Variants in SMARCB1 observed in about 807,000 individuals in gnomAD.
SMARCB1 encodes SWI/SNF related BAF chromatin remodeling complex subunit B1.
SMARCB1 carries 5 observed loss-of-function variants against 49.0 expected under a neutral mutation model. That is an observed-to-expected ratio of 0.10 (90% CI 0.05 to 0.21). SMARCB1 has a LOEUF of 0.21. Ranked by LOEUF, SMARCB1 falls within the 10% of genes least tolerant of loss-of-function variation. SMARCB1 has a pLI of 1.00. For synonymous variants in SMARCB1, 201 were observed against 200.1 expected (o/e 1.00, Z -0.04); for missense variants, 226 against 509.2 (o/e 0.44, Z 5.35).
At chr22:23,806,034 G>A (rs961354319) in intron 5 of SMARCB1, among the ~76,000 whole-genome samples, 6 of 152,220 alleles carry the variant, frequency 3.9e-5, no homozygotes, top group Admixed American at 6.5e-5. Context: ...TGGATAAAGA[G>A]GAAATGTTCA....
At chr22:23,812,227 G>C (rs1601416441) in intron 5 of SMARCB1, among the ~76,000 whole-genome samples, 1 of 152,254 alleles carries the variant, frequency 6.6e-6, no homozygotes. Context: ...AGGCTGAGGT[G>C]GGAGGATTAC....
intron 5 of SMARCB1, among the ~76,000 whole-genome samples, chr22:23,804,828 A>G (rs954394688): frequency 1.3e-5 from 2 of 152,240 alleles, no homozygotes; most frequent in African/African-American, 4.8e-5. Flanking sequence ...GGCGTGAGCC[A>G]CTGCACCCAG....
At chr22:23,821,724 T>G (rs147145588) in intron 6 of SMARCB1, among the ~76,000 whole-genome samples, 18,768 of 151,750 alleles carry the variant, frequency 0.12, 1,246 homozygotes, top group South Asian at 0.27. Context: ...GGTGGCACGT[T>G]CCTGTAATCC....
At chr22:23,826,107 G>C (rs1601434431) in intron 7 of SMARCB1, 1 of 152,852 alleles carries the variant, frequency 6.5e-6, no homozygotes, top group Non-Finnish European at 1.5e-5. Context: ...CCTGGCAGGA[G>C]GTGGGACTCA....
At chr22:23,814,764 A>G (rs1930084377) in intron 5 of SMARCB1, among the ~76,000 whole-genome samples, 1 of 151,944 alleles carries the variant, frequency 6.6e-6, no homozygotes, top group Admixed American at 6.6e-5. Context: ...TGAGGTCAGG[A>G]GTTTGAGACC....
At chr22:23,799,000 A>G (rs1928950184) in intron 3 of SMARCB1, among the ~76,000 whole-genome samples, 1 of 151,488 alleles carries the variant, frequency 6.6e-6, no homozygotes, top group Non-Finnish European at 1.5e-5. Flanking sequence ...CATTGAGCCC[A>G]GATGGCGCCA....
intron 2 of SMARCB1, 62 bp from the exon 3 acceptor site, chr22:23,793,497 T>A (rs1455031893): frequency 6.3e-7 from 1 of 1,591,888 alleles, no homozygotes; most frequent in African/African-American, 1.3e-5. Context: ...TGCATCCACT[T>A]GGCTGGCTGC....
chr22:23,837,681 G>C lies in SMARCB1; in HGVS notation c.*3501G>C, dbSNP rs1416387181. On this transcript the variant is annotated 3_prime_UTR_variant, in exon 9 of 9. Transcript: ENST00000644036. ...CACCCAGCAGGTCCACGAGGATGGA[G>C]TTGCCCAGCAGCAGCGAGAAGCCCA... 1 of 1,613,550 alleles carries C rather than the reference G, an allele frequency of 6.2e-7. No homozygotes were observed. Among genetic ancestry groups the C allele is most frequent in the Non-Finnish European group, 8.5e-7 (1 of 1,179,838 alleles).
Position 23,837,946 on chromosome 22 carries a change from T to C in SMARCB1, c.*3766T>C. 7.5e-7 allele frequency: 1 copy of C among 1,336,368 alleles called. No homozygotes were observed. Among genetic ancestry groups the C allele is most frequent in the Non-Finnish European group, 1.0e-6 (1 of 987,072 alleles). The allele number at this position is 1,336,368 out of a possible 1,614,324, so 82.8% of individuals were successfully genotyped here. On this transcript the variant is annotated 3_prime_UTR_variant, in exon 9 of 9. Coordinates refer to ENST00000644036, the MANE Select transcript of SMARCB1 (RefSeq NM_003073.5). ...AGACCCTGGAATTCTTCCCCTCATC[T>C]CCCCTATGTGCTATTCCCTCATCAA...
chr22:23,827,062 G>C (rs1259163798), intron 7 of SMARCB1, among the ~76,000 whole-genome samples: 1 of 152,226 alleles, frequency 6.6e-6, no homozygotes, highest in Non-Finnish European at 1.5e-5. Flanking sequence ...GTCAAGGGTG[G>C]CCTCCCTCCA....
At chr22:23,800,128 CTGG>C (rs1374544467) in intron 3 of SMARCB1, among the ~76,000 whole-genome samples, 3 of 152,236 alleles carry the variant, frequency 2.0e-5, no homozygotes, top group Non-Finnish European at 4.4e-5. Context: ...CGCACCTGGC[CTGG>C]TTTCGAACTC....
At chr22:23,824,897 G>A (rs1329950772) in intron 6 of SMARCB1, 1 of 445,620 alleles carries the variant, frequency 2.2e-6, no homozygotes, top group East Asian at 4.3e-5. Context: ...GGCAGCAGGA[G>A]CGAAGGGCAG....
Position 23,790,847 on chromosome 22 carries a change from A to G in SMARCB1, c.94-909A>G, listed in dbSNP as rs1338104238. On this transcript the variant is annotated intron_variant, in intron 1 of 8. Transcript: ENST00000644036. Reference sequence around the variant, plus strand: ...GGGTGACAGAGCGAGACCCTGTCTCAAAAATAATAATAAAAATTAAAAATA... The same window carrying G: ...GGGTGACAGAGCGAGACCCTGTCTCGAAAATAATAATAAAAATTAAAAATA... Among the ~76,000 whole-genome samples the G allele has an allele frequency of 2.0e-5, 3 of 152,192 alleles. No individual in the cohort carries two copies. The East Asian group carries it at 5.8e-4, about 29-fold the overall frequency.
intron 5 of SMARCB1, among the ~76,000 whole-genome samples, chr22:23,809,519 G>A (rs933042939): frequency 4.6e-5 from 7 of 150,764 alleles, no homozygotes; most frequent in Non-Finnish European, 7.4e-5. Context: ...CAGGTGATCC[G>A]CCCACCTCGG....
At chr22:23,833,452 C>A in intron 7 of SMARCB1, 120 bp from the exon 8 acceptor site, 4 of 1,392,076 alleles carry the variant, frequency 2.9e-6, no homozygotes, top group Non-Finnish European at 4.1e-6. Context: ...ACTGGAGCAT[C>A]CACTGGGTGC....
At chr22:23,833,823 C>T (rs1382854663) in intron 8 of SMARCB1, 120 bp downstream of exon 8, 2 of 1,193,260 alleles carry the variant, frequency 1.7e-6, no homozygotes, top group Non-Finnish European at 2.4e-6. Flanking sequence ...TCTAGTGCTG[C>T]TAGAGGCAGG....
intron 7 of SMARCB1, chr22:23,825,808 C>T (rs868089611): frequency 3.2e-5 from 7 of 217,958 alleles, no homozygotes; most frequent in South Asian, 2.8e-4. Context: ...ATCTGTTGAA[C>T]TTGAATTATG....
chr22:23,818,142 GTGTGTGT>G (rs1568953160), intron 6 of SMARCB1: 3 of 4,278 alleles, frequency 7.0e-4, no homozygotes, highest in African/African-American at 1.9e-3. Flanking sequence ...CTTTGGGTGT[GTGTGTGT>G]GTGTGTGTGT....
intron 2 of SMARCB1, chr22:23,793,271 G>A: frequency 2.1e-6 from 1 of 487,744 alleles, no homozygotes; most frequent in South Asian, 2.0e-5. Context: ...GTGCTGTATT[G>A]TAGTTGCTGG....
Sources: gnomAD v4.1 joint callset for allele counts (sites outside exome capture counted in the v4.1 genomes callset) on GRCh38, gnomAD v4.1.1 for gene constraint, MANE v1.5 for transcripts, NCBI Gene and HGNC (gene_info 2026-07-23, HGNC 2026-07-21) for gene names.